The following FBXL7 variants were observed in gnomAD, a reference collection of about 807,000 sequenced individuals.
FBXL7 encodes the protein F-box/LRR-repeat protein 7.
Under a neutral mutation model 38.3 loss-of-function variants are expected in FBXL7, and 12 were observed. The observed-to-expected ratio is 0.31, with a 90% CI of 0.20 to 0.51. The LOEUF is 0.51. FBXL7 is among the 20% of genes least tolerant of loss of function. FBXL7 has a pLI of 0.98. For synonymous variants in FBXL7, 297 were observed against 300.9 expected, an observed-to-expected ratio of 0.99 and a Z score of 0.13; for missense variants, 567 against 676.4, an observed-to-expected ratio of 0.84 and a Z score of 1.79.
At chr5:15,892,618 C>A (rs967444422) in intron 2 of FBXL7, among the ~76,000 whole-genome samples, 1 of 152,104 alleles carries the variant, frequency 6.6e-6, no homozygotes, top group Non-Finnish European at 1.5e-5. Context: ...TATATCATAT[C>A]CTCATTCATT....
intron 2 of FBXL7, among the ~76,000 whole-genome samples, chr5:15,787,420 C>T (rs902254541): frequency 2.0e-5 from 3 of 152,044 alleles, no homozygotes; most frequent in Non-Finnish European, 1.5e-5. Flanking sequence ...GAAGGCAAGC[C>T]GTGCAGAGAT....
intron 2 of FBXL7, among the ~76,000 whole-genome samples, chr5:15,774,475 C>G (rs895069207): frequency 6.6e-6 from 1 of 152,146 alleles, no homozygotes; most frequent in African/African-American, 2.4e-5. Context: ...TACTGCCTCC[C>G]TATGAGTTTC....
intron 2 of FBXL7, among the ~76,000 whole-genome samples, chr5:15,887,311 T>C (rs1740717862): frequency 6.6e-6 from 1 of 152,144 alleles, no homozygotes; most frequent in Non-Finnish European, 1.5e-5. Flanking sequence ...GGGGAAGTCA[T>C]GGCAGTCAGC....
Position 15,937,454 on chromosome 5 carries a change from G to A in FBXL7, c.*268G>A. 1 of 424,190 alleles carries A rather than the reference G, an allele frequency of 2.4e-6. No homozygotes were observed. The highest frequency in any genetic ancestry group is 4.2e-6 in the Non-Finnish European group (1 of 236,744). The allele number at this position is 424,190 out of a possible 1,614,324, so 26.3% of individuals were successfully genotyped here. On this transcript the variant is annotated 3_prime_UTR_variant, in exon 4 of 4. Transcript: ENST00000504595. ...AAAGATGTACTTAAGCAGGCTGATC[G>A]CTGTTCCTTGAGCAAGGCGCTTACT...
chr5:15,915,930 G>A (rs2126435469), intron 2 of FBXL7, among the ~76,000 whole-genome samples: 1 of 152,262 alleles, frequency 6.6e-6, no homozygotes, highest in East Asian at 1.9e-4. Flanking sequence ...GAGGGACTTG[G>A]GGACTGATTA....
intron 2 of FBXL7, among the ~76,000 whole-genome samples, chr5:15,711,354 G>A (rs1389704195): frequency 6.6e-6 from 1 of 152,144 alleles, no homozygotes; most frequent in African/African-American, 2.4e-5. Flanking sequence ...ACTTCATATT[G>A]TATGAAGAAA....
chr5:15,649,526 G>C (rs1741639018), intron 2 of FBXL7, among the ~76,000 whole-genome samples: 1 of 152,060 alleles, frequency 6.6e-6, no homozygotes, highest in Non-Finnish European at 1.5e-5. Context: ...AACAAAAGAG[G>C]CCACCGTCTT....
intron 2 of FBXL7, among the ~76,000 whole-genome samples, chr5:15,679,678 C>T (rs1742784170): frequency 6.7e-6 from 1 of 150,160 alleles, no homozygotes; most frequent in Non-Finnish European, 1.5e-5. Flanking sequence ...ACAGTAAATA[C>T]TGGAGTACCC....
chr5:15,776,358 A>G (rs1014513665), intron 2 of FBXL7, among the ~76,000 whole-genome samples: 6 of 152,156 alleles, frequency 3.9e-5, no homozygotes, highest in Non-Finnish European at 8.8e-5. Flanking sequence ...AAAGAATACT[A>G]TAATTTAAAG....
At chr5:15,605,973 T>G (rs866977726) in intron 1 of FBXL7, among the ~76,000 whole-genome samples, 28 of 152,332 alleles carry the variant, frequency 1.8e-4, no homozygotes, top group Middle Eastern at 3.4e-3. Context: ...GTAAAATATA[T>G]GTATATCTGA....
chr5:15,856,774 A>G (rs933710666), intron 2 of FBXL7, among the ~76,000 whole-genome samples: 1 of 151,516 alleles, frequency 6.6e-6, no homozygotes, highest in Admixed American at 6.6e-5. Context: ...TGTGACCATG[A>G]TATACATACT....
At chr5:15,675,607 CCT>C (rs1165110560) in intron 2 of FBXL7, among the ~76,000 whole-genome samples, 1 of 152,086 alleles carries the variant, frequency 6.6e-6, no homozygotes, top group African/African-American at 2.4e-5. Flanking sequence ...GTGGCTTTGC[CCT>C]CTCTCAGGGG....
chr5:15,709,672 C>A (rs1301438185), intron 2 of FBXL7, among the ~76,000 whole-genome samples: 1 of 152,106 alleles, frequency 6.6e-6, no homozygotes, highest in African/African-American at 2.4e-5. Flanking sequence ...TTGCCATAAC[C>A]TTCTGTCTTA....
At chr5:15,870,692 C>T (rs1404684380) in intron 2 of FBXL7, among the ~76,000 whole-genome samples, 1 of 152,142 alleles carries the variant, frequency 6.6e-6, no homozygotes, top group Non-Finnish European at 1.5e-5. Flanking sequence ...AAAGTGTTCC[C>T]ACTAAGTTTG....
rs558365067 is a variant in FBXL7 at position 15,822,019 on chromosome 5, G to C, written c.128-105871G>C. Among the ~76,000 whole-genome samples, 3 of 152,108 alleles carry C rather than the reference G, an allele frequency of 2.0e-5. No homozygotes were observed. The South Asian group carries it at 6.2e-4, about 32-fold the overall frequency. On this transcript the variant is annotated intron_variant, in intron 2 of 3. Coordinates refer to ENST00000504595, the MANE Select transcript of FBXL7 (RefSeq NM_012304.5). Reference sequence around the variant, plus strand: ...GTAAAAACCATTTTCTGTAGGGTTTGGTGTGGACTAGCTTTCAACCAAATC... The same window carrying C: ...GTAAAAACCATTTTCTGTAGGGTTTCGTGTGGACTAGCTTTCAACCAAATC...
intron 2 of FBXL7, among the ~76,000 whole-genome samples, chr5:15,806,844 C>T (rs1257415709): frequency 6.6e-6 from 1 of 152,248 alleles, no homozygotes; most frequent in African/African-American, 2.4e-5. Context: ...GCCTTCTCCT[C>T]TCCCTCTGTG....
intron 1 of FBXL7, among the ~76,000 whole-genome samples, chr5:15,592,170 TAA>T (rs1271621220): frequency 2.0e-5 from 3 of 152,170 alleles, no homozygotes; most frequent in Non-Finnish European, 4.4e-5. Flanking sequence ...TCAGAGAACT[TAA>T]GTCTCTTACC....
At chr5:15,863,698 A>G (rs1425744351) in intron 2 of FBXL7, among the ~76,000 whole-genome samples, 3 of 152,316 alleles carry the variant, frequency 2.0e-5, no homozygotes, top group Non-Finnish European at 4.4e-5. Context: ...CAGAGCCCTC[A>G]TGAATAGAAT....
rs1311435021 is a variant in FBXL7 at position 15,913,608 on chromosome 5, A to G, written c.128-14282A>G. Among the ~76,000 whole-genome samples, 6 of 152,208 alleles carry G rather than the reference A, an allele frequency of 3.9e-5. No homozygotes were observed. In the East Asian group the frequency reaches 9.6e-4, roughly 24 times the overall value. ...ATCTAAATTCAATACTATGCCATCT[A>G]TTGTAAAGATGTAAACGTTGGAATT... On this transcript the variant is annotated intron_variant, in intron 2 of 3. Coordinates refer to ENST00000504595, the MANE Select transcript of FBXL7 (RefSeq NM_012304.5).
Sources: allele counts gnomAD v4.1 joint callset (sites outside exome capture counted in the v4.1 genomes callset), GRCh38; gene constraint gnomAD v4.1.1; transcripts MANE v1.5; gene names NCBI Gene and HGNC (gene_info 2026-07-23, HGNC 2026-07-21).